Variants in RBFOX1 observed in about 807,000 individuals in gnomAD.
RBFOX1 encodes the protein RNA binding protein fox-1 homolog 1.
Under a neutral mutation model 57.7 loss-of-function variants are expected in RBFOX1, and 8 were observed. That is an observed-to-expected ratio of 0.14 (90% CI 0.08 to 0.25). The LOEUF is 0.25. RBFOX1 is among the 10% of genes least tolerant of loss of function. The pLI is 1.00. For synonymous variants in RBFOX1, 326 were observed against 222.4 expected (o/e 1.47, Z -4.15); for missense variants, 611 against 548.5 (o/e 1.11, Z -1.14).
intron 1 of RBFOX1, among the ~76,000 whole-genome samples, chr16:5,340,769 C>T (rs1429397525): frequency 6.6e-6 from 1 of 152,142 alleles, no homozygotes; most frequent in Non-Finnish European, 1.5e-5. Flanking sequence ...GCTGGAGACA[C>T]CGTGATGAAT....
intron 1 of RBFOX1, among the ~76,000 whole-genome samples, chr16:6,125,100 G>C (rs2096579863): frequency 1.3e-5 from 2 of 152,110 alleles, no homozygotes; most frequent in Non-Finnish European, 2.9e-5. Flanking sequence ...TCCACTGCTG[G>C]ATGATGACTT....
At position 5,716,814 on chromosome 16, in the gene RBFOX1, TGTCCCA is replaced by T. The variant is rs149991735; in HGVS notation, c.318+117855_318+117860del. ...TGGAGCTCAAGGAAGCTCAGCGACT[TGTCCCA>T]GGTTGCATGACCATCAGTGGCAGAT... On this transcript the variant is annotated intron_variant, in intron 3 of 19. Transcript: ENST00000641259. 6.4e-3 allele frequency among the ~76,000 whole-genome samples: 969 copies of T among 152,324 alleles called. 7 individuals are homozygous for T. Among genetic ancestry groups the T allele is most frequent in the African/African-American group, 0.021 (882 of 41,562 alleles).
chr16:7,178,955 C>T (rs1003203709), intron 4 of RBFOX1, among the ~76,000 whole-genome samples: 2 of 152,162 alleles, frequency 1.3e-5, no homozygotes, highest in South Asian at 4.1e-4. Flanking sequence ...ATGGTTAACA[C>T]TGCTGGCCCA....
At chr16:6,646,936 A>G (rs1292866014) in intron 2 of RBFOX1, among the ~76,000 whole-genome samples, 3 of 152,180 alleles carry the variant, frequency 2.0e-5, no homozygotes, top group Admixed American at 1.3e-4. Context: ...CCCACGTCCT[A>G]GGACTGGGCC....
chr16:7,640,193 A>G (rs2062531491), intron 11 of RBFOX1, among the ~76,000 whole-genome samples: 1 of 152,200 alleles, frequency 6.6e-6, no homozygotes, highest in South Asian at 2.1e-4. Context: ...TGGCTGTCAT[A>G]ATCATAACCC....
intron 1 of RBFOX1, among the ~76,000 whole-genome samples, chr16:6,040,231 A>G (rs1413527212): frequency 6.6e-6 from 1 of 152,226 alleles, no homozygotes; most frequent in African/African-American, 2.4e-5. Flanking sequence ...CGTCTTAACC[A>G]TTTTGAAGTG....
chr16:6,208,883 T>C (rs1032901584), intron 1 of RBFOX1, among the ~76,000 whole-genome samples: 13 of 152,116 alleles, frequency 8.5e-5, no homozygotes, highest in Non-Finnish European at 2.9e-5. Context: ...TCCTAGAGTG[T>C]TCCCCCTACA....
chr16:6,781,887 A>C lies in RBFOX1; in HGVS notation c.-16+127237A>C, dbSNP rs114272058. On this transcript the variant is annotated intron_variant, in intron 3 of 15. Transcript: ENST00000550418. ...AAGTTTTTATTTTGTATTTTCTCTC[A>C]ATTTCATTTATTTCTGCTCTGATCT... 9.5e-3 allele frequency among the ~76,000 whole-genome samples: 1,447 copies of C among 151,658 alleles called. 17 individuals carry two copies. Among genetic ancestry groups the C allele is most frequent in the African/African-American group, 0.033 (1,368 of 41,358 alleles).
At chr16:7,341,917 A>C (rs538915950) in intron 4 of RBFOX1, among the ~76,000 whole-genome samples, 1 of 151,914 alleles carries the variant, frequency 6.6e-6, no homozygotes, top group Admixed American at 6.6e-5. Flanking sequence ...ATAGAGTTCA[A>C]CACACCCACT....
At chr16:6,540,397 A>C (rs1276651863) in intron 2 of RBFOX1, among the ~76,000 whole-genome samples, 2 of 151,974 alleles carry the variant, frequency 1.3e-5, no homozygotes, top group African/African-American at 4.8e-5. Context: ...GTGGGTTACA[A>C]GGTCAGGAGA....
chr16:6,303,657 C>A (rs905823277), intron 1 of RBFOX1, among the ~76,000 whole-genome samples: 1 of 151,986 alleles, frequency 6.6e-6, no homozygotes, highest in Admixed American at 6.6e-5. Flanking sequence ...AGCTACTTTT[C>A]ATTGAGAAAT....
At chr16:6,298,283 A>C (rs1205342914) in intron 1 of RBFOX1, among the ~76,000 whole-genome samples, 1 of 152,158 alleles carries the variant, frequency 6.6e-6, no homozygotes, top group Non-Finnish European at 1.5e-5. Flanking sequence ...CTGTGAATGC[A>C]GTTCTACTGC....
chr16:7,269,973 C>G (rs1242079139), intron 4 of RBFOX1, among the ~76,000 whole-genome samples: 1 of 152,160 alleles, frequency 6.6e-6, no homozygotes, highest in Non-Finnish European at 1.5e-5. Context: ...TGGTATTGCC[C>G]TGTTTAAACC....
chr16:6,037,515 A>G (rs1333932099), intron 1 of RBFOX1: 2 of 114,678 alleles, frequency 1.7e-5, no homozygotes, highest in Admixed American at 9.9e-5. Context: ...GTTGGTATCT[A>G]TTGGTCACTT....
At chr16:6,770,783 G>C (rs1334627858) in intron 3 of RBFOX1, among the ~76,000 whole-genome samples, 4 of 152,122 alleles carry the variant, frequency 2.6e-5, no homozygotes, top group African/African-American at 9.7e-5. Context: ...GGGAAGTTAA[G>C]GAAGTTACTC....
intron 4 of RBFOX1, among the ~76,000 whole-genome samples, chr16:7,446,671 C>G (rs563080716): frequency 6.6e-6 from 1 of 152,224 alleles, no homozygotes; most frequent in South Asian, 2.1e-4. Context: ...GCCTCAGTAA[C>G]TCCCTGTTGG....
At chr16:5,911,604 T>C (rs2058603821) in intron 4 of RBFOX1, among the ~76,000 whole-genome samples, 1 of 152,184 alleles carries the variant, frequency 6.6e-6, no homozygotes, top group Admixed American at 6.5e-5. Context: ...GCGGAGGCAT[T>C]GTTTTACTCT....
chr16:5,844,357 T>C (rs1229418184), intron 3 of RBFOX1, among the ~76,000 whole-genome samples: 1 of 152,210 alleles, frequency 6.6e-6, no homozygotes, highest in Non-Finnish European at 1.5e-5. Context: ...TATGCTGTTC[T>C]AAAAAGCCCT....
chr16:7,567,175 C>A (rs1567863672), intron 5 of RBFOX1, among the ~76,000 whole-genome samples: 1 of 146,602 alleles, frequency 6.8e-6, no homozygotes, highest in East Asian at 2.0e-4. Context: ...ATATATATAT[C>A]CCTATATAAA....
Sources: allele counts gnomAD v4.1 joint callset (sites outside exome capture counted in the v4.1 genomes callset), GRCh38; gene constraint gnomAD v4.1.1; transcripts MANE v1.5; gene names NCBI Gene and HGNC (gene_info 2026-07-23, HGNC 2026-07-21).